PDE11A: variants seen among roughly 807,000 people sequenced by gnomAD.
The protein encoded by PDE11A is dual 3',5'-cyclic-AMP and -GMP phosphodiesterase 11A.
In PDE11A, 100 loss-of-function variants were observed where a neutral mutation model predicts 100.5. The observed-to-expected ratio is 1.00, with a 90% CI of 0.85 to 1.18. PDE11A has a LOEUF of 1.18. Ranked by LOEUF, PDE11A falls within the 50% of genes most tolerant of loss-of-function variation. The pLI is 0.00. For missense variants in PDE11A, 1,141 were observed against 1,152.6 expected (o/e 0.99, Z 0.15); for synonymous variants, 381 against 420.8 (o/e 0.91, Z 1.16).
intron 2 of PDE11A, among the ~76,000 whole-genome samples, chr2:177,962,793 A>T (rs780253037): frequency 5.3e-5 from 8 of 152,166 alleles, no homozygotes; most frequent in Middle Eastern, 3.2e-3. Flanking sequence ...AGTGTGCATT[A>T]TCATAAAAAT....
At chr2:177,730,184 G>A (rs1215694273) in intron 10 of PDE11A, among the ~76,000 whole-genome samples, 6 of 151,976 alleles carry the variant, frequency 3.9e-5, no homozygotes, top group East Asian at 1.9e-4. Flanking sequence ...CCATTAACTC[G>A]TCATTTACAT....
At chr2:178,049,705 C>T (rs889143024) in intron 1 of PDE11A, among the ~76,000 whole-genome samples, 8 of 152,198 alleles carry the variant, frequency 5.3e-5, no homozygotes, top group African/African-American at 1.9e-4. Flanking sequence ...GAGATTACAT[C>T]CCATGCCTGG....
At chr2:177,863,494 A>G (rs1434938283) in intron 5 of PDE11A, among the ~76,000 whole-genome samples, 1 of 152,094 alleles carries the variant, frequency 6.6e-6, no homozygotes, top group East Asian at 1.9e-4. Context: ...GTGGAAAAAC[A>G]AACAGCCCAA....
rs148828110 is a variant in PDE11A at position 177,841,631 on chromosome 2, A to C, written c.1368-1248T>G. On this transcript the variant is annotated intron_variant, in intron 5 of 19. Transcript: ENST00000286063. ...GTGGGACACATAGACATTATTTAAC[A>C]TCATTAATATATCTCATCTGTAATG... Among the ~76,000 whole-genome samples, 1,004 of 152,364 alleles carry C rather than the reference A, an allele frequency of 6.6e-3. 12 individuals are homozygous for C. Among genetic ancestry groups the C allele is most frequent in the African/African-American group, 0.023 (963 of 41,580 alleles).
chr2:178,071,977 C>T lies in PDE11A; in HGVS notation c.461G>A (p.Arg154Gln). ...RAQEPLSSVR[R>Q]RALLRKASSL... ...GCTTGCCTTCCGGAGAAGTGCCCTC[C>T]GTCGTACACTACTCAGGGGTTCCTG... Residue 154 changes from arginine (R) to glutamine (Q), a missense_variant, in exon 1 of 20, where the codon CGG (arginine) becomes CAG (glutamine). Transcript: ENST00000286063. 3 of 1,614,036 alleles carry T rather than the reference C, an allele frequency of 1.9e-6. No homozygotes were observed. The highest frequency in any genetic ancestry group is 1.3e-5 in the African/African-American group (1 of 75,048).
intron 2 of PDE11A, among the ~76,000 whole-genome samples, chr2:177,970,919 A>G (rs779147531): frequency 1.3e-4 from 20 of 152,180 alleles, no homozygotes; most frequent in Admixed American, 5.9e-4. Flanking sequence ...AGCACCATCA[A>G]CTGCTTCAGA....
At chr2:178,080,553 TAGA>T (rs1387639033) in intron 2 of PDE11A, among the ~76,000 whole-genome samples, 2 of 152,082 alleles carry the variant, frequency 1.3e-5, no homozygotes, top group African/African-American at 4.8e-5. Flanking sequence ...GGAAGTTATA[TAGA>T]AGAAGAAGAA....
At chr2:177,855,526 G>T (rs1018530055) in intron 5 of PDE11A, among the ~76,000 whole-genome samples, 3 of 151,928 alleles carry the variant, frequency 2.0e-5, no homozygotes, top group African/African-American at 7.3e-5. Flanking sequence ...ATCCATCTCT[G>T]GGGTAGCTGT....
At chr2:178,077,682 AG>A (rs1352272598), upstream of PDE11A, among the ~76,000 whole-genome samples, 1 of 152,188 alleles carries the variant, frequency 6.6e-6, no homozygotes, top group African/African-American at 2.4e-5. Flanking sequence ...TACTGGGAAG[AG>A]GGTCTTTGCA....
chr2:177,960,110 C>A (rs1004035392), intron 2 of PDE11A, among the ~76,000 whole-genome samples: 2 of 151,848 alleles, frequency 1.3e-5, no homozygotes, highest in African/African-American at 2.4e-5. Flanking sequence ...TATCTCTGGA[C>A]CACTTAGGAA....
chr2:177,957,720 C>A (rs2105787243), intron 2 of PDE11A, among the ~76,000 whole-genome samples: 1 of 152,196 alleles, frequency 6.6e-6, no homozygotes, highest in East Asian at 1.9e-4. Context: ...ATAATTCTTT[C>A]TTTTAAATAG....
chr2:177,847,087 T>C (rs535052923), intron 5 of PDE11A, among the ~76,000 whole-genome samples: 2 of 152,206 alleles, frequency 1.3e-5, no homozygotes, highest in South Asian at 4.1e-4. Flanking sequence ...CTTAAGTTAC[T>C]CCTCTTGTGG....
At chr2:177,710,822 AAAAGAACCTGTTGAC>A (rs373557201) in intron 13 of PDE11A, among the ~76,000 whole-genome samples, 4 of 152,348 alleles carry the variant, frequency 2.6e-5, no homozygotes, top group African/African-American at 9.6e-5. Context: ...TGATGAGCTG[AAAAGAACCTGTTGAC>A]AAAGAGCAGA....
chr2:177,907,772 C>A (rs1221106493), intron 2 of PDE11A, among the ~76,000 whole-genome samples: 2 of 152,192 alleles, frequency 1.3e-5, no homozygotes, highest in Non-Finnish European at 2.9e-5. Flanking sequence ...AGAGGTCAGG[C>A]AGGCTCACCG....
At chr2:177,780,414 G>C (rs1393891688) in intron 9 of PDE11A, among the ~76,000 whole-genome samples, 1 of 152,008 alleles carries the variant, frequency 6.6e-6, no homozygotes, top group Non-Finnish European at 1.5e-5. Flanking sequence ...AAGGGCCCGA[G>C]GATTTTCAAA....
At chr2:178,024,673 AG>A (rs1334573311) in intron 1 of PDE11A, among the ~76,000 whole-genome samples, 1 of 152,238 alleles carries the variant, frequency 6.6e-6, no homozygotes, top group Non-Finnish European at 1.5e-5. Context: ...AATGTAGAGA[AG>A]TTAATGGAAA....
chr2:178,073,027 C>T, upstream of PDE11A: 2 of 985,390 alleles, frequency 2.0e-6, no homozygotes, highest in Non-Finnish European at 2.4e-6. Context: ...TTCTTGCTCC[C>T]TTACCTCCCC....
chr2:178,046,733 C>G (rs917616177), intron 1 of PDE11A, among the ~76,000 whole-genome samples: 1 of 152,124 alleles, frequency 6.6e-6, no homozygotes, highest in African/African-American at 2.4e-5. Flanking sequence ...CTTTACTCTT[C>G]TCGGTCAATG....
intron 15 of PDE11A, chr2:177,683,617 G>A (rs558772128): frequency 6.6e-6 from 1 of 152,400 alleles, no homozygotes; most frequent in African/African-American, 2.4e-5. Context: ...TCTGTGAGAT[G>A]GGGGCCTGTT....
Sources: allele counts gnomAD v4.1 joint callset (sites outside exome capture counted in the v4.1 genomes callset), GRCh38; gene constraint gnomAD v4.1.1; transcripts MANE v1.5; gene names NCBI Gene and HGNC (gene_info 2026-07-23, HGNC 2026-07-21).